The following CFAP65 variants were observed in gnomAD, a reference collection of about 807,000 sequenced individuals.
The protein encoded by CFAP65 is cilia- and flagella-associated protein 65.
CFAP65 carries 155 observed loss-of-function variants against 208.0 expected under a neutral mutation model. The ratio of observed to expected loss-of-function variants is 0.75; its 90% CI spans 0.65 to 0.85. CFAP65 has a LOEUF of 0.85. CFAP65 is among the 40% of genes least tolerant of loss of function. CFAP65 has a pLI of 0.00. For synonymous variants in CFAP65, 970 were observed against 986.3 expected, an observed-to-expected ratio of 0.98 and a Z score of 0.31; for missense variants, 2,294 against 2,451.3, an observed-to-expected ratio of 0.94 and a Z score of 1.36.
intron 23 of CFAP65, 69 bp from the exon 24 acceptor site, chr2:219,013,438 G>T (rs954449353): frequency 1.3e-5 from 20 of 1,544,608 alleles, no homozygotes; most frequent in Middle Eastern, 1.7e-4. Flanking sequence ...TTCCCCAGGA[G>T]AACACAGCTC....
At chr2:219,033,936 A>AAAACAACTAAAAAATATGT (rs1948203790) in intron 5 of CFAP65, 1 of 152,220 alleles carries the variant, frequency 6.6e-6, no homozygotes, top group Non-Finnish European at 1.5e-5. Context: ...TGAACATAAT[A>AAAACAACTAAAAAATATGT]CCTATATAAA....
rs376026257 is a variant in CFAP65, at chr2:219,022,365, G to A, written c.2821-36C>T. 31 of 1,567,706 alleles carry A rather than the reference G, an allele frequency of 2.0e-5. No homozygotes were observed. In the African/African-American group the frequency reaches 2.8e-4, roughly 14 times the overall value. On this transcript the variant is annotated intron_variant, in intron 16 of 34. Coordinates refer to ENST00000341552, the MANE Select transcript of CFAP65 (RefSeq NM_194302.4). ...AGAAATGATCCCTGCAGTGGCCTTC[G>A]GAAGCCCCTCCACAGGTACCTGGCC...
intron 16 of CFAP65, 75 bp downstream of exon 16, chr2:219,023,132 T>C: frequency 2.3e-6 from 3 of 1,306,132 alleles, no homozygotes; most frequent in Non-Finnish European, 3.3e-6. Flanking sequence ...ATGGCAAGTC[T>C]GGGCTATGAT....
intron 21 of CFAP65, chr2:219,014,454 A>C (rs562692750): frequency 8.6e-4 from 140 of 163,030 alleles, no homozygotes; most frequent in Non-Finnish European, 1.6e-3. Flanking sequence ...GTCCAGGCCA[A>C]CTTGGGCACA....
Position 219,013,324 on chromosome 2 carries a change from G to A in CFAP65, c.3892C>T (p.His1298Tyr). ...AACTGGTGGGTAGTAGAGGTGAAGTGCACATACTTCTGCTCCGGCTTCACT... is the reference window on the plus strand; with the variant it reads ...AACTGGTGGGTAGTAGAGGTGAAGTACACATACTTCTGCTCCGGCTTCACT... The part of the protein sequence containing the change: ...VTVKPEQKYV[H>Y]FTSTTHQFIP... Residue 1298 changes from histidine (H) to tyrosine (Y), a missense_variant, in exon 24 of 35, where the codon CAC (histidine) becomes TAC (tyrosine). By Grantham distance (83) the His-to-Tyr change is moderately conservative. Around this residue, in one of 2 missense-constraint regions of CFAP65, gnomAD observed 1,427 missense variants for 1,438.7 expected, o/e 0.99. Transcript: ENST00000341552. 6.2e-7 allele frequency: 1 copy of A among 1,614,014 alleles called. No individual in the cohort carries two copies. Among genetic ancestry groups the A allele is most frequent in the Non-Finnish European group, 8.5e-7 (1 of 1,179,956 alleles).
chr2:219,019,149 AG>A lies in CFAP65; in HGVS notation c.3503del (p.Pro1168LeufsTer2). 1 of 1,614,002 alleles carries A rather than the reference AG, an allele frequency of 6.2e-7. No homozygotes were observed. Among genetic ancestry groups the A allele is most frequent in the Non-Finnish European group, 8.5e-7 (1 of 1,179,952 alleles). ...SMSQIPPVLTPLRLDFNFGAA... is the reference protein window; with the variant it reads ...SMSQIPPVLTXLRLDFNFGAA... ...CCCCGAAATTGAAGTCAAGCCTTAA[AG>A]GGGTGAGGACGGGGGGGATCTGGCT... On this transcript the variant is annotated frameshift_variant, in exon 21 of 35. Coordinates refer to ENST00000341552, the MANE Select transcript of CFAP65 (RefSeq NM_194302.4). LOFTEE classifies it high-confidence loss of function.
At chr2:219,020,568 TG>T (rs57764728) in intron 19 of CFAP65, among the ~76,000 whole-genome samples, 1 of 151,970 alleles carries the variant, frequency 6.6e-6, no homozygotes, top group Non-Finnish European at 1.5e-5. Context: ...TTTGTAGAGA[TG>T]GGGTCTTGCT....
chr2:219,032,742 G>T lies in CFAP65; in HGVS notation c.543-170C>A, dbSNP rs973526211. Among the ~76,000 whole-genome samples, 5 of 151,960 alleles carry T rather than the reference G, an allele frequency of 3.3e-5. No individual in the cohort carries two copies. The highest frequency in any genetic ancestry group is 1.2e-4 in the African/African-American group (5 of 41,362). ...TGGAAACTCAGGGGTTTGGTCACAA[G>T]AGGACCCACCCTCCTCCTCCCCCTC... On this transcript the variant is annotated intron_variant, in intron 5 of 34. Coordinates refer to ENST00000341552, the MANE Select transcript of CFAP65 (RefSeq NM_194302.4). The surrounding 1 kb of genome is among the most constrained non-coding windows in gnomAD (Gnocchi z 5.5).
chr2:219,015,681 A>C (rs1480252139), intron 21 of CFAP65: 1 of 152,146 alleles, frequency 6.6e-6, no homozygotes, highest in Admixed American at 6.5e-5. Flanking sequence ...ATTCATAGGA[A>C]TAAAAGCACA....
Position 219,010,685 on chromosome 2 carries a change from A to AT in CFAP65, c.4168dup (p.Ile1390AsnfsTer41). ...GATGAGGGCCGAGTTCCATCCCAGG[A>AT]TGTGTATGGGCACGTCCACCTGGGG... is the stretch of plus-strand genomic sequence containing the variant. On this transcript the variant is annotated frameshift_variant, in exon 26 of 35. Coordinates refer to ENST00000341552, the MANE Select transcript of CFAP65 (RefSeq NM_194302.4). LOFTEE classifies it high-confidence loss of function. 1 of 1,609,854 alleles carries AT rather than the reference A, an allele frequency of 6.2e-7. No homozygotes were observed. Among genetic ancestry groups the AT allele is most frequent in the Non-Finnish European group, 8.5e-7 (1 of 1,178,548 alleles).
chr2:219,027,196 C>T (rs1291694175), intron 13 of CFAP65: 7 of 1,256,676 alleles, frequency 5.6e-6, no homozygotes, highest in Admixed American at 7.6e-5. Flanking sequence ...TCGGAGTTCC[C>T]GACCCAGGGA....
In CFAP65 at chr2:219,014,037, G is replaced by T; in HGVS notation, c.3610C>A (p.Leu1204Ile). The T allele has an allele frequency of 1.2e-6, 2 of 1,609,736 alleles. No individual in the cohort carries two copies. Among genetic ancestry groups the T allele is most frequent in the Non-Finnish European group, 1.7e-6 (2 of 1,177,464 alleles). Reference sequence around the variant, plus strand: ...TCAATCCGCTGGTCACTTGGAAGGAGGAAGGCCCTGGGAGAGGGGTGCAAA... The same window carrying T: ...TCAATCCGCTGGTCACTTGGAAGGATGAAGGCCCTGGGAGAGGGGTGCAAA... Reference protein sequence around the residue: ...SGVVSLDWAFLLPSDQRIDVE... With the variant: ...SGVVSLDWAFILPSDQRIDVE... The change falls in exon 22 of 35, where the codon CTC becomes ATC. Residue 1204 changes from leucine to isoleucine, a missense_variant. Leu to Ile is a conservative substitution (Grantham distance 5). Coordinates refer to ENST00000341552, the MANE Select transcript of CFAP65 (RefSeq NM_194302.4).
Position 219,006,095 on chromosome 2 carries a change from A to G in CFAP65, c.4848T>C (p.Leu1616=). The part of the protein sequence containing the change: ...PPSPGMLCLG[L]TARAHATDYF... ...AGTCGGTGGCATGGGCTCGGGCAGT[A>G]AGGCCCAGGCAGAGCATGCCTGGCG... Residue 1616 remains leucine (L), a synonymous_variant, in exon 31 of 35, where the codon CTT becomes CTC. Coordinates refer to ENST00000341552, the MANE Select transcript of CFAP65 (RefSeq NM_194302.4). 1 of 1,613,616 alleles carries G rather than the reference A, an allele frequency of 6.2e-7. No homozygotes were observed. Among genetic ancestry groups the G allele is most frequent in the Non-Finnish European group, 8.5e-7 (1 of 1,180,012 alleles).
At position 219,002,865 on chromosome 2, in the gene CFAP65, G is replaced by T; in HGVS notation, c.*72C>A. On this transcript the variant is annotated 3_prime_UTR_variant, in exon 35 of 35. Coordinates refer to ENST00000341552, the MANE Select transcript of CFAP65 (RefSeq NM_194302.4). This position sits in a 1 kb window ranked among gnomAD's most constrained non-coding sequence, Gnocchi z 7.9. ...GGTAGATACAGAAAAAAGACTAGAT[G>T]CTTTTACTGGCGGTGGAGAGGGGGC... 2 of 1,322,874 alleles carry T rather than the reference G, an allele frequency of 1.5e-6. No individual in the cohort carries two copies. The highest frequency in any genetic ancestry group is 1.1e-6 in the Non-Finnish European group (1 of 939,168). The allele number at this position is 1,322,874 out of a possible 1,614,324, so 81.9% of individuals were successfully genotyped here.
rs1373700851 is a variant in CFAP65, at chr2:219,029,635, T to C, written c.1418A>G (p.Asn473Ser). The C allele has an allele frequency of 1.2e-6, 2 of 1,613,872 alleles. No individual in the cohort carries two copies. The highest frequency in any genetic ancestry group is 1.1e-5 in the South Asian group (1 of 91,078). The change falls in exon 11 of 35, where the codon AAC becomes AGC. Residue 473 changes from asparagine to serine, a missense_variant. Asn to Ser is a conservative substitution (Grantham distance 46). Around this residue, in one of 2 missense-constraint regions of CFAP65, gnomAD observed 867 missense variants for 1,012.6 expected, o/e 0.86. Coordinates refer to ENST00000341552, the MANE Select transcript of CFAP65 (RefSeq NM_194302.4). ...PAVSLQHYCVNFSWVNLGERS... is the reference protein window; with the variant it reads ...PAVSLQHYCVSFSWVNLGERS... ...CTCCCCAAGGTTGACCCAGCTGAAG[T>C]TGACACAGTAGTGCTGCAGGGACAC...
chr2:219,028,267 C>G lies in CFAP65; in HGVS notation c.1785G>C (p.Leu595=). The G allele has an allele frequency of 6.2e-7, 1 of 1,614,046 alleles. No homozygotes were observed. The highest frequency in any genetic ancestry group is 8.5e-7 in the Non-Finnish European group (1 of 1,180,002). The change falls in exon 12 of 35, where the codon CTG becomes CTC. Residue 595 remains leucine, a synonymous_variant. Transcript: ENST00000341552. ...GCTTCTTCTCCTTCAGCATGGCATC[C>G]AGGATGTCAGGGGGGTAGAGCGTCA... The part of the protein sequence containing the change: ...RGLTLYPPDI[L]DAMLKEKKLA...
chr2:219,026,876 A>G, intron 13 of CFAP65: 1 of 986,620 alleles, frequency 1.0e-6, no homozygotes, highest in Non-Finnish European at 1.2e-6. Flanking sequence ...CTGCCAGAGC[A>G]TTAGGACGGG....
At chr2:219,022,031 T>G in intron 17 of CFAP65, 101 bp from the exon 18 acceptor site, 2 of 1,549,564 alleles carry the variant, frequency 1.3e-6, no homozygotes, top group Non-Finnish European at 1.8e-6. Flanking sequence ...GAAGGGCAAG[T>G]TTGGGGTATC....
chr2:219,015,022 G>GCA (rs1946766698), intron 21 of CFAP65: 1 of 148,568 alleles, frequency 6.7e-6, no homozygotes, highest in African/African-American at 2.5e-5. Context: ...CTGAGAGAAA[G>GCA]CGCACAAAAG....
Sources: allele counts gnomAD v4.1 joint callset (sites outside exome capture counted in the v4.1 genomes callset), GRCh38; gene constraint gnomAD v4.1.1; regional missense constraint gnomAD v4.1.1; non-coding constraint Gnocchi (gnomAD v3.1); transcripts MANE v1.5; gene names NCBI Gene and HGNC (gene_info 2026-07-23, HGNC 2026-07-21).